NUDT6: variants seen among roughly 807,000 people sequenced by gnomAD.
The protein encoded by NUDT6 is FAD diphosphatase NUDT6.
Under a neutral mutation model 36.8 loss-of-function variants are expected in NUDT6, and 24 were observed. The ratio of observed to expected loss-of-function variants is 0.65; its 90% confidence interval spans 0.47 to 0.92. The LOEUF is 0.92. NUDT6 is among the 40% of genes least tolerant of loss of function. The probability of loss-of-function intolerance (pLI) is 0.00; values close to 1 mark genes in which losing one functional copy is unlikely to be tolerated. For missense variants in NUDT6, 388 were observed against 392.8 expected (o/e 0.99, Z 0.10); for synonymous variants, 163 against 157.0 (o/e 1.04, Z -0.29).
intron 1 of NUDT6, 158 bp downstream of exon 1, chr4:122,922,177 C>A: frequency 1.7e-6 from 1 of 573,170 alleles, no homozygotes; most frequent in Non-Finnish European, 2.9e-6. Flanking sequence ...AAGGTCTAAG[C>A]ACGAATGCTC....
intron 3 of NUDT6, among the ~76,000 whole-genome samples, chr4:122,905,553 A>G (rs1267228517): frequency 6.6e-6 from 1 of 152,186 alleles, no homozygotes; most frequent in African/African-American, 2.4e-5. Context: ...ATGTGCTGTT[A>G]TACTTTACCT....
chr4:122,896,103 GT>G (rs1212643090), intron 4 of NUDT6: 1 of 152,226 alleles, frequency 6.6e-6, no homozygotes, highest in Non-Finnish European at 1.5e-5. Flanking sequence ...GCCAACGGCA[GT>G]TTTTTTCTTC....
chr4:122,922,553 CA>C lies in NUDT6; in HGVS notation c.19del (p.Trp7GlyfsTer119). The C allele has an allele frequency of 1.2e-6, 2 of 1,600,590 alleles. No individual in the cohort carries two copies. Among genetic ancestry groups the C allele is most frequent in the Non-Finnish European group, 1.7e-6 (2 of 1,176,996 alleles). ...GGCAAGCATCGCGCGCCAGCGGCCC[CA>C]GCTCAGTGGCTGCCGCATCTCCACG... MRQPLS[W>X]GRWRAMLART... On this transcript the variant is annotated frameshift_variant, in exon 1 of 5. Coordinates refer to ENST00000304430, the MANE Select transcript of NUDT6 (RefSeq NM_007083.5). LOFTEE classifies it high-confidence loss of function.
rs756611528 is a variant in NUDT6 at position 122,893,077 on chromosome 4, G to T, written c.702C>A (p.Phe234Leu). Residue 234 changes from phenylalanine to leucine, a missense_variant, in exon 5 of 5, where the codon TTC becomes TTA. Coordinates refer to ENST00000304430, the MANE Select transcript of NUDT6 (RefSeq NM_007083.5). ...YIICRLKPYS[F>L]TINFCQEECL... Reference sequence around the variant, plus strand: ...ATTCTTCCTGGCAAAAATTTATGGTGAATGAATATGGCTTTAGGCGGCAGA... The same window carrying T: ...ATTCTTCCTGGCAAAAATTTATGGTTAATGAATATGGCTTTAGGCGGCAGA... The T allele has an allele frequency of 8.1e-6, 13 of 1,614,104 alleles. No homozygotes were observed. The highest frequency in any genetic ancestry group is 1.1e-5 in the Non-Finnish European group (13 of 1,180,028).
In NUDT6 at chr4:122,922,519, G is replaced by C; in HGVS notation, c.54C>G (p.Tyr18Ter). Residue 18 changes from tyrosine to a stop codon, truncating the protein, a stop_gained, in exon 1 of 5, where the codon TAC (tyrosine) becomes TAG (stop). Transcript: ENST00000304430. LOFTEE classifies it high-confidence loss of function. Reference protein sequence around the residue: ...GRWRAMLARTYGPGPSAGYRW... With the variant: ...GRWRAMLART ...GGTAACCCGCCGAAGGCCCGGGGCC[G>C]TAGGTTCGGGCAAGCATCGCGCGCC... 1 of 1,608,080 alleles carries C rather than the reference G, an allele frequency of 6.2e-7. No homozygotes were observed. Among genetic ancestry groups the C allele is most frequent in the Non-Finnish European group, 8.5e-7 (1 of 1,179,362 alleles).
At chr4:122,917,000 T>C (rs1241789338) in intron 2 of NUDT6, among the ~76,000 whole-genome samples, 1 of 152,046 alleles carries the variant, frequency 6.6e-6, no homozygotes, top group East Asian at 1.9e-4. Context: ...TGGTGAGAGA[T>C]TTCATCACAT....
intron 3 of NUDT6, among the ~76,000 whole-genome samples, chr4:122,909,246 T>G (rs80172838): frequency 0.012 from 1,827 of 152,192 alleles, 41 homozygotes; most frequent in African/African-American, 0.041. Flanking sequence ...GTTTTTTTAG[T>G]CTAGGTTTAG....
chr4:122,911,334 A>G (rs1404145570), intron 3 of NUDT6, among the ~76,000 whole-genome samples: 1 of 152,162 alleles, frequency 6.6e-6, no homozygotes, highest in African/African-American at 2.4e-5. Flanking sequence ...ATCTTTTAAT[A>G]GTTACTGTTT....
At chr4:122,919,319 C>A (rs1727918317) in intron 1 of NUDT6, 1 of 152,302 alleles carries the variant, frequency 6.6e-6, no homozygotes, top group South Asian at 2.1e-4. Context: ...TAGGTTCAAG[C>A]GATTCTCCTG....
At chr4:122,914,724 T>A (rs1458758) in intron 2 of NUDT6, among the ~76,000 whole-genome samples, 7 of 151,748 alleles carry the variant, frequency 4.6e-5, no homozygotes, top group Admixed American at 1.3e-4. Flanking sequence ...TACTGAAACT[T>A]CTCTCTCAGA....
intron 1 of NUDT6, chr4:122,917,913 A>G (rs877284): frequency 0.017 from 9,479 of 559,464 alleles, 641 homozygotes; most frequent in African/African-American, 0.15. Context: ...GAATTCCTTC[A>G]GAATAAAGTC....
chr4:122,915,106 C>A (rs1727802451), intron 2 of NUDT6, among the ~76,000 whole-genome samples: 1 of 152,088 alleles, frequency 6.6e-6, no homozygotes, highest in African/African-American at 2.4e-5. Flanking sequence ...GAGAAGCATG[C>A]TGCAGGAAGA....
At chr4:122,916,837 A>G (rs1727854321) in intron 2 of NUDT6, among the ~76,000 whole-genome samples, 1 of 152,194 alleles carries the variant, frequency 6.6e-6, no homozygotes, top group African/African-American at 2.4e-5. Context: ...ATTAATAAGG[A>G]AAATAAGGGT....
chr4:122,903,042 A>G (rs1241741493), intron 3 of NUDT6, among the ~76,000 whole-genome samples: 1 of 152,200 alleles, frequency 6.6e-6, no homozygotes, highest in African/African-American at 2.4e-5. Flanking sequence ...TATAAATTAC[A>G]TATCATTAAT....
At chr4:122,915,620 C>T (rs1435959865) in intron 2 of NUDT6, among the ~76,000 whole-genome samples, 1 of 152,122 alleles carries the variant, frequency 6.6e-6, no homozygotes, top group Non-Finnish European at 1.5e-5. Context: ...CTTTGAACTG[C>T]TCTGACACTC....
chr4:122,912,531 C>CA, intron 3 of NUDT6, 37 bp downstream of exon 3: 1 of 1,422,542 alleles, frequency 7.0e-7, no homozygotes, highest in Non-Finnish European at 9.9e-7. Context: ...AAGAAATAAA[C>CA]ATTTAGGAAG....
intron 3 of NUDT6, among the ~76,000 whole-genome samples, chr4:122,909,822 CT>C (rs1727697922): frequency 6.6e-6 from 1 of 152,190 alleles, no homozygotes; most frequent in Non-Finnish European, 1.5e-5. Context: ...AGGGAAAACT[CT>C]CCACTTGAAT....
intron 3 of NUDT6, among the ~76,000 whole-genome samples, chr4:122,899,927 CAT>C (rs1727476929): frequency 6.6e-6 from 1 of 152,088 alleles, no homozygotes; most frequent in Non-Finnish European, 1.5e-5. Flanking sequence ...CTGGGCCACT[CAT>C]AGAAAGAGTT....
In NUDT6 at chr4:122,912,589, C is replaced by A. The variant is rs776736494; in HGVS notation, c.477G>T (p.Leu159=). 3.8e-6 allele frequency: 6 copies of A among 1,593,434 alleles called. No individual in the cohort carries two copies. Among genetic ancestry groups the A allele is most frequent in the Non-Finnish European group, 5.2e-6 (6 of 1,162,164 alleles). The part of the protein sequence containing the change: ...AVFDESTRKI[L]VVQDRNKLKN... ...TTACTTTATTTCGATCTTGTACAAC[C>A]AGTATTTTTCTAGTACTTTCATCAA... is the stretch of plus-strand genomic sequence containing the variant. The change falls in exon 3 of 5, where the codon CTG becomes CTT. Residue 159 remains leucine, a synonymous_variant. Coordinates refer to ENST00000304430, the MANE Select transcript of NUDT6 (RefSeq NM_007083.5).
Sources: gnomAD v4.1 joint callset for allele counts (sites outside exome capture counted in the v4.1 genomes callset) on GRCh38, gnomAD v4.1.1 for gene constraint, MANE v1.5 for transcripts, NCBI Gene and HGNC (gene_info 2026-07-23, HGNC 2026-07-21) for gene names.